The following FER variants were observed in gnomAD, a reference collection of about 807,000 sequenced individuals.
FER encodes the protein tyrosine-protein kinase Fer.
A neutral mutation model predicts 111.0 loss-of-function variants in FER; 63 were observed. The observed-to-expected ratio is 0.57, with a 90% CI of 0.46 to 0.70. FER has a LOEUF of 0.70. FER is among the 30% of genes least tolerant of loss of function. The pLI is 0.00. For synonymous variants in FER, 327 were observed against 313.9 expected (o/e 1.04, Z -0.44); for missense variants, 914 against 954.0 (o/e 0.96, Z 0.55).
intron 17 of FER, among the ~76,000 whole-genome samples, chr5:109,130,769 A>C (rs941297721): frequency 5.9e-5 from 9 of 152,124 alleles, no homozygotes; most frequent in African/African-American, 2.2e-4. Context: ...TTCAGCAATC[A>C]TATGTGGCTA....
At chr5:108,992,998 G>A (rs545731326) in intron 13 of FER, among the ~76,000 whole-genome samples, 1 of 149,448 alleles carries the variant, frequency 6.7e-6, no homozygotes, top group South Asian at 2.1e-4. Flanking sequence ...GGGAAGAGGC[G>A]CTCCTCACTT....
chr5:108,777,489 T>C (rs536797499), intron 2 of FER, among the ~76,000 whole-genome samples: 2 of 152,214 alleles, frequency 1.3e-5, no homozygotes, highest in South Asian at 4.1e-4. Flanking sequence ...GTACATATTA[T>C]GGGTTTGGAA....
chr5:108,813,489 T>G (rs1415275881), intron 3 of FER, among the ~76,000 whole-genome samples: 1 of 152,160 alleles, frequency 6.6e-6, no homozygotes, highest in African/African-American at 2.4e-5. Flanking sequence ...TCCCTCTTCC[T>G]TTTATCTTCT....
At chr5:109,009,577 T>C (rs933510488) in intron 13 of FER, among the ~76,000 whole-genome samples, 1 of 151,486 alleles carries the variant, frequency 6.6e-6, no homozygotes, top group Non-Finnish European at 1.5e-5. Context: ...AGAGTCTCAC[T>C]ACTCTTATAG....
At chr5:109,105,552 C>T (rs759662149) in intron 17 of FER, among the ~76,000 whole-genome samples, 11 of 152,066 alleles carry the variant, frequency 7.2e-5, no homozygotes, top group Non-Finnish European at 1.0e-4. Flanking sequence ...TTCTGTCACT[C>T]GTGATCTACC....
chr5:109,091,097 A>G (rs1778118732), intron 16 of FER, among the ~76,000 whole-genome samples: 1 of 152,206 alleles, frequency 6.6e-6, no homozygotes, highest in Non-Finnish European at 1.5e-5. Context: ...GGTTGAACCA[A>G]TTTAATAAGG....
intron 17 of FER, among the ~76,000 whole-genome samples, chr5:109,173,274 G>A (rs915255797): frequency 2.0e-5 from 3 of 152,184 alleles, no homozygotes; most frequent in Non-Finnish European, 4.4e-5. Context: ...GCTGTGTCAG[G>A]CAACAACTTG....
chr5:108,748,725 G>A (rs1750057312), intron 1 of FER: 2 of 152,304 alleles, frequency 1.3e-5, no homozygotes, highest in African/African-American at 4.8e-5. Flanking sequence ...CCAGCCTAGG[G>A]CCCAAGTCCT....
rs762526676 is a variant in FER, at chr5:108,798,340, T to C, written c.158T>C (p.Val53Ala). The part of the protein sequence containing the change: ...ASTLQNLCNQ[V>A]DKESTVQMNY... ...ACTTTACAGAACCTTTGTAATCAAG[T>C]TGATAAGGAAAGTACTGTCCAAATG... The change falls in exon 3 of 20, where the codon GTT (valine) becomes GCT (alanine). Residue 53 changes from valine (V) to alanine (A), a missense_variant. Transcript: ENST00000281092. 45 of 1,613,872 alleles carry C rather than the reference T, an allele frequency of 2.8e-5. No individual in the cohort carries two copies. In the Admixed American group the frequency reaches 7.5e-4, roughly 27 times the overall value.
intron 2 of FER, among the ~76,000 whole-genome samples, chr5:108,775,361 C>T (rs933293542): frequency 6.6e-6 from 1 of 152,132 alleles, no homozygotes; most frequent in African/African-American, 2.4e-5. Flanking sequence ...TGTTTGAAGG[C>T]AGTAATCTAG....
chr5:108,868,313 GTTTA>G (rs146198627), intron 6 of FER, among the ~76,000 whole-genome samples: 7,729 of 151,976 alleles, frequency 0.051, 267 homozygotes, highest in Middle Eastern at 0.096. Context: ...TTTTTTGAAA[GTTTA>G]TTTGTCAGCT....
At position 109,195,405 on chromosome 5, in the gene FER, A is replaced by G. The variant is rs900499871; in HGVS notation, c.*7830A>G. On this transcript the variant is annotated 3_prime_UTR_variant, in exon 20 of 20. Coordinates refer to ENST00000281092, the MANE Select transcript of FER (RefSeq NM_005246.4). Reference sequence around the variant, plus strand: ...CTCTCATACCTGCAGTGTACAGAATATGTACATGTTCCAATGGAATTCACT... The same window carrying G: ...CTCTCATACCTGCAGTGTACAGAATGTGTACATGTTCCAATGGAATTCACT... 2 of 152,172 alleles carry G rather than the reference A, an allele frequency of 1.3e-5. No homozygotes were observed. The highest frequency in any genetic ancestry group is 4.8e-5 in the African/African-American group (2 of 41,430). 9.4% of individuals were successfully genotyped at this position (152,172 alleles called of 1,614,324 possible). A position where few individuals can be genotyped will look rare whatever the true frequency, so the allele number is the denominator to read the frequency against.
intron 17 of FER, among the ~76,000 whole-genome samples, chr5:109,178,807 A>G (rs1757981332): frequency 6.6e-6 from 1 of 152,120 alleles, no homozygotes; most frequent in Admixed American, 6.6e-5. Flanking sequence ...TTCCATATAC[A>G]TTTTAGACTC....
intron 13 of FER, among the ~76,000 whole-genome samples, chr5:108,966,347 T>G (rs1357172034): frequency 1.3e-5 from 2 of 152,002 alleles, no homozygotes; most frequent in Admixed American, 1.3e-4. Context: ...TATTCACCAT[T>G]TCATCATTTT....
intron 16 of FER, among the ~76,000 whole-genome samples, chr5:109,092,631 GA>G (rs147865747): frequency 0.034 from 5,182 of 152,172 alleles, 143 homozygotes; most frequent in South Asian, 0.084. Flanking sequence ...AGGATGTGGA[GA>G]AAACAGAATC....
intron 17 of FER, among the ~76,000 whole-genome samples, chr5:109,169,030 T>C (rs1756830937): frequency 6.6e-6 from 1 of 152,206 alleles, no homozygotes; most frequent in South Asian, 2.1e-4. Flanking sequence ...AAAGGACACA[T>C]GTATATGCAA....
intron 17 of FER, among the ~76,000 whole-genome samples, chr5:109,136,683 T>C (rs7718701): frequency 0.018 from 2,775 of 152,276 alleles, 67 homozygotes; most frequent in African/African-American, 0.063. Context: ...TTAGTGAAGA[T>C]ACATGTGTTT....
chr5:108,894,470 C>A, intron 9 of FER: 1 of 406,054 alleles, frequency 2.5e-6, no homozygotes, highest in Non-Finnish European at 4.7e-6. Context: ...TCACTGATAA[C>A]ATGTGAGGAT....
intron 16 of FER, among the ~76,000 whole-genome samples, chr5:109,082,446 A>G (rs1442382404): frequency 6.6e-6 from 1 of 152,044 alleles, no homozygotes; most frequent in African/African-American, 2.4e-5. Context: ...GATAAAATAC[A>G]TGGATTTGAG....
Sources: gnomAD v4.1 joint callset for allele counts (sites outside exome capture counted in the v4.1 genomes callset) on GRCh38, gnomAD v4.1.1 for gene constraint, MANE v1.5 for transcripts, NCBI Gene and HGNC (gene_info 2026-07-23, HGNC 2026-07-21) for gene names.